DCDC2C: variants seen among roughly 807,000 people sequenced by gnomAD.
DCDC2C encodes the protein doublecortin domain containing 2C.
A neutral mutation model predicts 45.0 loss-of-function variants in DCDC2C; 44 were observed. The ratio of observed to expected loss-of-function variants is 0.98; its 90% CI spans 0.77 to 1.26. DCDC2C has a LOEUF of 1.26. DCDC2C is among the 50% of genes most tolerant of loss of function. The probability of loss-of-function intolerance (pLI) is 0.00; values close to 1 mark genes in which losing one functional copy is unlikely to be tolerated. For synonymous variants in DCDC2C, 187 were observed against 178.8 expected, an observed-to-expected ratio of 1.05 and a Z score of -0.37; for missense variants, 447 against 468.9, an observed-to-expected ratio of 0.95 and a Z score of 0.43.
At chr2:3,750,680 A>C (rs1669518540) in intron 4 of DCDC2C, among the ~76,000 whole-genome samples, 1 of 151,922 alleles carries the variant, frequency 6.6e-6, no homozygotes. Flanking sequence ...TGGGTGTCGC[A>C]CTCAGATGTC....
chr2:3,717,506 T>G (rs1370683381), intron 2 of DCDC2C, among the ~76,000 whole-genome samples: 1 of 134,160 alleles, frequency 7.5e-6, no homozygotes, highest in Non-Finnish European at 1.6e-5. Flanking sequence ...TCAGCTCACC[T>G]GCTGTCATGT....
chr2:3,751,968 A>T (rs1022477880), intron 4 of DCDC2C, among the ~76,000 whole-genome samples: 3 of 151,922 alleles, frequency 2.0e-5, no homozygotes, highest in Non-Finnish European at 4.4e-5. Context: ...CCTGCACCTC[A>T]CCCTCAGTGA....
At chr2:3,805,517 C>T (rs1671216460) in intron 10 of DCDC2C, among the ~76,000 whole-genome samples, 1 of 152,206 alleles carries the variant, frequency 6.6e-6, no homozygotes, top group East Asian at 1.9e-4. Context: ...TGCTGCCTTG[C>T]ATCAGCTGCA....
chr2:3,726,958 G>A (rs1668706696), intron 2 of DCDC2C, 45 bp from the exon 3 acceptor site: 2 of 1,506,676 alleles, frequency 1.3e-6, no homozygotes, highest in African/African-American at 2.8e-5. Context: ...GATGAGTGTT[G>A]GCTAATTTGA....
intron 10 of DCDC2C, among the ~76,000 whole-genome samples, chr2:3,834,320 C>T (rs1672022077): frequency 6.6e-6 from 1 of 152,196 alleles, no homozygotes; most frequent in African/African-American, 2.4e-5. Flanking sequence ...TAGCTTCACT[C>T]TCCTAAAAAT....
At chr2:3,716,090 G>A (rs1394738535) in intron 2 of DCDC2C, among the ~76,000 whole-genome samples, 1 of 152,160 alleles carries the variant, frequency 6.6e-6, no homozygotes, top group Non-Finnish European at 1.5e-5. Flanking sequence ...AGAGTGTTTG[G>A]GTGCCATGTT....
rs966815276 is a variant in DCDC2C, at chr2:3,828,088, C to G, written c.1066-19066C>G. Among the ~76,000 whole-genome samples the G allele has an allele frequency of 4.6e-5, 7 of 152,266 alleles. No homozygotes were observed. In the South Asian group the frequency reaches 1.5e-3, roughly 32 times the overall value. On this transcript the variant is annotated intron_variant, in intron 10 of 10. Coordinates refer to ENST00000399143, the MANE Select transcript of DCDC2C (RefSeq NM_001287444.2). Reference sequence around the variant, plus strand: ...TGAAAGTCTGCAGACTTTTATTGAGCCTTCAGTTTATAAAACATACATGGA... The same window carrying G: ...TGAAAGTCTGCAGACTTTTATTGAGGCTTCAGTTTATAAAACATACATGGA...
chr2:3,703,584 C>G lies in DCDC2C; in HGVS notation c.-168C>G, dbSNP rs1294207494. 1.6e-6 allele frequency: 1 copy of G among 637,700 alleles called. No individual in the cohort carries two copies. Among genetic ancestry groups the G allele is most frequent in the Non-Finnish European group, 2.2e-6 (1 of 463,476 alleles). 39.5% of individuals were successfully genotyped at this position (637,700 alleles called of 1,614,324 possible). On this transcript the variant is annotated 5_prime_UTR_variant, in exon 1 of 11. Coordinates refer to ENST00000399143, the MANE Select transcript of DCDC2C (RefSeq NM_001287444.2). The surrounding 1 kb of genome is among the most constrained non-coding windows in gnomAD (Gnocchi z 4.4). ...CCTCCGCCCGCCTGGCAGCCCCGTC[C>G]CGTCCCCGTCCAGCCCCCGTCCCGT...
chr2:3,833,583 C>A (rs1386896819), intron 10 of DCDC2C, among the ~76,000 whole-genome samples: 2 of 152,158 alleles, frequency 1.3e-5, no homozygotes, highest in African/African-American at 4.8e-5. Context: ...ATTTTATGAG[C>A]ATGTCTAGCA....
chr2:3,739,683 A>C (rs914235488), intron 3 of DCDC2C, among the ~76,000 whole-genome samples: 1 of 152,242 alleles, frequency 6.6e-6, no homozygotes, highest in Non-Finnish European at 1.5e-5. Flanking sequence ...ACGTCCACTC[A>C]ATAAAACCTT....
At chr2:3,743,787 G>A (rs1323571836) in intron 4 of DCDC2C, among the ~76,000 whole-genome samples, 1 of 152,226 alleles carries the variant, frequency 6.6e-6, no homozygotes, top group Non-Finnish European at 1.5e-5. Flanking sequence ...GCCTACATTG[G>A]CCGGGTGCGG....
rs1671618564 is a variant in DCDC2C, at chr2:3,818,807, G to C, written c.1066-28347G>C. On this transcript the variant is annotated intron_variant, in intron 10 of 10. Transcript: ENST00000399143. This position sits in a 1 kb window ranked among gnomAD's most constrained non-coding sequence, Gnocchi z 4.7. Reference sequence around the variant, plus strand: ...GAAGGAGGCTTTGAACTGGGGAAAAGGGTGGCAATGAGGTGTGGCTGTAGC... The same window carrying C: ...GAAGGAGGCTTTGAACTGGGGAAAACGGTGGCAATGAGGTGTGGCTGTAGC... Among the ~76,000 whole-genome samples the C allele has an allele frequency of 6.6e-6, 1 of 152,142 alleles. No homozygotes were observed.
chr2:3,826,424 A>G (rs1671816824), intron 10 of DCDC2C, among the ~76,000 whole-genome samples: 1 of 152,244 alleles, frequency 6.6e-6, no homozygotes, highest in Non-Finnish European at 1.5e-5. Context: ...GATATATCAC[A>G]GTATTAATTG....
chr2:3,826,890 C>G (rs1457493129), intron 10 of DCDC2C, among the ~76,000 whole-genome samples: 1 of 152,118 alleles, frequency 6.6e-6, no homozygotes, highest in Non-Finnish European at 1.5e-5. Flanking sequence ...TTCCTCCCTC[C>G]TTCCCTCTCT....
chr2:3,715,696 T>C (rs1270246479), intron 2 of DCDC2C, among the ~76,000 whole-genome samples: 1 of 152,316 alleles, frequency 6.6e-6, no homozygotes, highest in Non-Finnish European at 1.5e-5. Flanking sequence ...AACCAAATAA[T>C]ATGTGTATGT....
At chr2:3,842,966 G>T (rs1051974109) in intron 10 of DCDC2C, among the ~76,000 whole-genome samples, 2 of 152,100 alleles carry the variant, frequency 1.3e-5, no homozygotes, top group African/African-American at 2.4e-5. Flanking sequence ...ACACAGTCTC[G>T]GGCAGGTCCA....
chr2:3,780,805 C>T (rs762206636), intron 9 of DCDC2C, among the ~76,000 whole-genome samples: 3 of 152,182 alleles, frequency 2.0e-5, no homozygotes, highest in Non-Finnish European at 1.5e-5. Context: ...GGTAGCTTGT[C>T]GGCGTCACGC....
chr2:3,817,903 G>T (rs1313854545), intron 10 of DCDC2C, among the ~76,000 whole-genome samples: 3 of 152,186 alleles, frequency 2.0e-5, no homozygotes, highest in Admixed American at 2.0e-4. Flanking sequence ...GTACCCAAAG[G>T]TGGAAGTACC....
intron 10 of DCDC2C, among the ~76,000 whole-genome samples, chr2:3,838,212 G>C (rs758655735): frequency 2.0e-5 from 3 of 152,000 alleles, no homozygotes; most frequent in Admixed American, 1.3e-4. Flanking sequence ...TGAAATGGTG[G>C]CAGGGCTGGT....
Sources: gnomAD v4.1 joint callset for allele counts (sites outside exome capture counted in the v4.1 genomes callset) on GRCh38, gnomAD v4.1.1 for gene constraint, Gnocchi (gnomAD v3.1) non-coding constraint, MANE v1.5 for transcripts, NCBI Gene and HGNC (gene_info 2026-07-23, HGNC 2026-07-21) for gene names.